ATP10B: variants seen among roughly 807,000 people sequenced by gnomAD.
ATP10B encodes phospholipid-transporting ATPase VB.
Under a neutral mutation model 141.2 loss-of-function variants are expected in ATP10B, and 122 were observed. The observed-to-expected ratio is 0.86, with a 90% CI of 0.75 to 1.00. The LOEUF is 1.00. Among genes scored for constraint, ATP10B ranks in the 50% least tolerant of loss-of-function variants. The pLI is 0.00. For missense variants in ATP10B, 1,876 were observed against 1,825.3 expected (o/e 1.03, Z -0.51); for synonymous variants, 685 against 692.0 (o/e 0.99, Z 0.16).
chr5:160,783,278 C>T (rs1212523253), intron 2 of ATP10B, among the ~76,000 whole-genome samples: 2 of 151,486 alleles, frequency 1.3e-5, no homozygotes, highest in African/African-American at 4.8e-5. Context: ...GTTTGGTTTC[C>T]AATTCCTGAG....
At chr5:160,623,092 A>C (rs1758441111) in intron 13 of ATP10B, among the ~76,000 whole-genome samples, 1 of 152,164 alleles carries the variant, frequency 6.6e-6, no homozygotes, top group African/African-American at 2.4e-5. Context: ...CATGCTTCTC[A>C]ACATGGACCC....
At chr5:160,907,447 TTC>T in the ATP10B span, among the ~76,000 whole-genome samples, 1 of 152,050 alleles carries the variant, frequency 6.6e-6, no homozygotes, top group Non-Finnish European at 1.5e-5. Flanking sequence ...CAAATGCAGC[TTC>T]TGTTTCTGGG....
chr5:160,685,959 A>T, intron 6 of ATP10B, 120 bp downstream of exon 6: 1 of 848,506 alleles, frequency 1.2e-6, no homozygotes, highest in Non-Finnish European at 1.7e-6. Context: ...CCCCCTTGAG[A>T]ATCAGTGAAT....
the ATP10B span, among the ~76,000 whole-genome samples, chr5:160,894,157 C>T: frequency 2.0e-5 from 3 of 152,090 alleles, no homozygotes; most frequent in African/African-American, 7.2e-5. Flanking sequence ...AGGATCACAA[C>T]TCCTCACCAG....
intron 1 of ATP10B, among the ~76,000 whole-genome samples, chr5:160,835,381 G>A (rs1003933838): frequency 2.6e-5 from 4 of 152,102 alleles, no homozygotes; most frequent in Non-Finnish European, 4.4e-5. Context: ...ATCTACAGGG[G>A]AGAGGGGAGT....
At chr5:160,824,110 C>T (rs1774392511) in intron 1 of ATP10B, among the ~76,000 whole-genome samples, 1 of 151,970 alleles carries the variant, frequency 6.6e-6, no homozygotes, top group Non-Finnish European at 1.5e-5. Context: ...CAAGCTCCGC[C>T]TCCTGGGTTC....
At chr5:160,673,076 T>C (rs1762811997) in intron 6 of ATP10B, among the ~76,000 whole-genome samples, 1 of 152,224 alleles carries the variant, frequency 6.6e-6, no homozygotes, top group Non-Finnish European at 1.5e-5. Flanking sequence ...GCTCTGTGGC[T>C]CTGGGAGCTC....
At chr5:160,662,759 C>A (rs1200497745) in intron 7 of ATP10B, among the ~76,000 whole-genome samples, 3 of 152,170 alleles carry the variant, frequency 2.0e-5, no homozygotes, top group Non-Finnish European at 2.9e-5. Context: ...GTCTGAAACA[C>A]CAAAAGCAAT....
intron 1 of ATP10B, among the ~76,000 whole-genome samples, chr5:160,834,384 G>A (rs1316393128): frequency 6.6e-6 from 1 of 151,900 alleles, no homozygotes; most frequent in Non-Finnish European, 1.5e-5. Context: ...TTCTAATAGG[G>A]CATAACATCT....
Position 160,615,895 on chromosome 5 carries a change from G to A in ATP10B, c.2596C>T (p.Arg866Ter), listed in dbSNP as rs770974023. 2.9e-5 allele frequency: 46 copies of A among 1,613,764 alleles called. No individual in the cohort carries two copies. In the South Asian group the frequency reaches 3.8e-4, roughly 13 times the overall value. ...RREAEASLDNRDELLMETAQH... is the reference protein window; with the variant it reads ...RREAEASLDN Reference sequence around the variant, plus strand: ...GCAGTTTCCATGAGAAGCTCATCTCGGTTGTCGAGGGATGCCTCAGCCTCA... The same window carrying A: ...GCAGTTTCCATGAGAAGCTCATCTCAGTTGTCGAGGGATGCCTCAGCCTCA... Residue 866 changes from arginine to a stop codon, truncating the protein, a stop_gained, in exon 17 of 26, where the codon CGA (arginine) becomes TGA (stop). Coordinates refer to ENST00000327245, the MANE Select transcript of ATP10B (RefSeq NM_025153.3). LOFTEE classifies it high-confidence loss of function.
chr5:160,734,189 G>A (rs1185226516), intron 2 of ATP10B, among the ~76,000 whole-genome samples: 2 of 149,060 alleles, frequency 1.3e-5, no homozygotes, highest in African/African-American at 2.5e-5. Flanking sequence ...TACCTATACT[G>A]TAGTGCATCA....
the ATP10B span, among the ~76,000 whole-genome samples, chr5:160,908,719 C>T: frequency 6.6e-6 from 1 of 152,182 alleles, no homozygotes; most frequent in African/African-American, 2.4e-5. Flanking sequence ...TAGCTCCCAG[C>T]ATGAGGAGAT....
At chr5:160,812,014 CAGAGACAGAG>C (rs1402832912) in intron 1 of ATP10B, among the ~76,000 whole-genome samples, 1,445 of 117,904 alleles carry the variant, frequency 0.012, 10 homozygotes, top group Middle Eastern at 0.029. Flanking sequence ...GAGACAGAGA[CAGAGACAGAG>C]AGAGAGAGAG....
chr5:160,591,964 G>T (rs1756327914), intron 22 of ATP10B, among the ~76,000 whole-genome samples: 1 of 152,096 alleles, frequency 6.6e-6, no homozygotes, highest in African/African-American at 2.4e-5. Flanking sequence ...ACTTGGCTTT[G>T]CCCTTCTTTC....
chr5:160,786,319 A>C (rs1771142232), intron 1 of ATP10B, among the ~76,000 whole-genome samples: 1 of 151,898 alleles, frequency 6.6e-6, no homozygotes, highest in South Asian at 2.1e-4. Context: ...TGTTATTTGG[A>C]CCCCCAGATT....
chr5:160,865,787 C>T, the ATP10B span, among the ~76,000 whole-genome samples: 2 of 152,124 alleles, frequency 1.3e-5, no homozygotes, highest in African/African-American at 4.8e-5. Context: ...AAACAAGATA[C>T]ACAAACAGCC....
At chr5:160,842,286 A>C (rs1775855898) in intron 1 of ATP10B, among the ~76,000 whole-genome samples, 1 of 152,212 alleles carries the variant, frequency 6.6e-6, no homozygotes, top group Admixed American at 6.5e-5. Context: ...AAATTACATG[A>C]AAATGAATAT....
At chr5:160,614,869 C>A (rs1018373868) in intron 17 of ATP10B, among the ~76,000 whole-genome samples, 8 of 152,188 alleles carry the variant, frequency 5.3e-5, no homozygotes, top group Non-Finnish European at 8.8e-5. Flanking sequence ...ACACTGTCCA[C>A]CAAGAATAAA....
the ATP10B span, among the ~76,000 whole-genome samples, chr5:160,878,061 G>A: frequency 1.3e-5 from 2 of 151,628 alleles, no homozygotes; most frequent in Admixed American, 6.6e-5. Flanking sequence ...CCAAAAAAGA[G>A]CCCACATTGC....
Sources: allele counts gnomAD v4.1 joint callset (sites outside exome capture counted in the v4.1 genomes callset), GRCh38; gene constraint gnomAD v4.1.1; transcripts MANE v1.5; gene names NCBI Gene and HGNC (gene_info 2026-07-23, HGNC 2026-07-21).